The following LYPD6B variants were observed in gnomAD, a reference collection of about 807,000 sequenced individuals.
LYPD6B encodes LY6/PLAUR domain containing 6B.
LYPD6B carries 17 observed loss-of-function variants against 22.8 expected under a neutral mutation model. The ratio of observed to expected loss-of-function variants is 0.75; its 90% CI spans 0.51 to 1.12. The LOEUF is 1.12. Ranked by LOEUF, LYPD6B falls within the 50% of genes most tolerant of loss-of-function variation. The pLI, the probability that LYPD6B is intolerant of heterozygous loss-of-function variation, is 0.00. For synonymous variants in LYPD6B, 106 were observed against 91.6 expected (o/e 1.16, Z -0.90); for missense variants, 221 against 258.3 (o/e 0.86, Z 0.99).
At chr2:149,064,808 C>T (rs1684249132) in intron 1 of LYPD6B, among the ~76,000 whole-genome samples, 2 of 152,164 alleles carry the variant, frequency 1.3e-5, no homozygotes, top group Non-Finnish European at 2.9e-5. Context: ...TAAGTTAGTT[C>T]CTCTCAGGGG....
chr2:149,103,581 A>G (rs1404681397), intron 1 of LYPD6B, among the ~76,000 whole-genome samples: 3 of 151,986 alleles, frequency 2.0e-5, no homozygotes, highest in South Asian at 2.1e-4. Flanking sequence ...TTATCACCTC[A>G]ATCAAGATAA....
chr2:149,187,182 A>C (rs1575145515), intron 3 of LYPD6B, among the ~76,000 whole-genome samples: 1 of 152,208 alleles, frequency 6.6e-6, no homozygotes, highest in South Asian at 2.1e-4. Flanking sequence ...TCAAACCCAC[A>C]ATATCTCTGA....
rs1428973788 is a variant in LYPD6B, at chr2:149,071,530, G to T, written c.-67+32729G>T. On this transcript the variant is annotated intron_variant, in intron 1 of 6. Transcript: ENST00000409642. ...AGGATAAGATCTTTGCCTTCAGTTT[G>T]CTTATACTCTAGCTATAGAAATAGG... Among the ~76,000 whole-genome samples the T allele has an allele frequency of 3.3e-5, 5 of 152,118 alleles. 1 individual carries two copies. Among genetic ancestry groups the T allele is most frequent in the Non-Finnish European group, 7.4e-5 (5 of 68,018 alleles).
chr2:149,177,934 CT>C (rs766544702), intron 3 of LYPD6B, among the ~76,000 whole-genome samples: 130 of 150,198 alleles, frequency 8.7e-4, no homozygotes, highest in Middle Eastern at 6.9e-3. Context: ...GTAAAACACA[CT>C]TTGTACTTAA....
intron 3 of LYPD6B, among the ~76,000 whole-genome samples, chr2:149,179,185 G>C (rs112516636): frequency 1.3e-5 from 2 of 152,172 alleles, no homozygotes; most frequent in African/African-American, 4.8e-5. Context: ...TGTGTATTGA[G>C]TTATCAGGCT....
chr2:149,095,507 A>C (rs934980092), intron 1 of LYPD6B, among the ~76,000 whole-genome samples: 1 of 152,226 alleles, frequency 6.6e-6, no homozygotes, highest in Non-Finnish European at 1.5e-5. Flanking sequence ...ATTTGTATGC[A>C]CTTAGATCAA....
At chr2:149,104,782 C>T (rs1686390139) in intron 1 of LYPD6B, among the ~76,000 whole-genome samples, 2 of 152,012 alleles carry the variant, frequency 1.3e-5, no homozygotes, top group Admixed American at 1.3e-4. Flanking sequence ...AAATCTTTGC[C>T]TAACCCAAAG....
At chr2:149,062,522 G>A (rs1684135684) in intron 1 of LYPD6B, among the ~76,000 whole-genome samples, 1 of 152,024 alleles carries the variant, frequency 6.6e-6, no homozygotes, top group South Asian at 2.1e-4. Flanking sequence ...TTCCCTACAT[G>A]GAAAAGCAAC....
chr2:149,041,420 C>T (rs11683483), intron 1 of LYPD6B, among the ~76,000 whole-genome samples: 138,027 of 152,156 alleles, frequency 0.91, 64,146 homozygotes, highest in East Asian at 1. Context: ...CGAAGTTCCC[C>T]GCGTCACTGG....
chr2:149,120,309 ATGTGTATATATATG>A (rs1687228892), intron 1 of LYPD6B, among the ~76,000 whole-genome samples: 1 of 132,152 alleles, frequency 7.6e-6, no homozygotes, highest in Non-Finnish European at 1.6e-5. Flanking sequence ...ATATATATAT[ATGTGTATATATATG>A]TGTATATATA....
At chr2:149,206,241 T>C in intron 4 of LYPD6B, 1 of 237,626 alleles carries the variant, frequency 4.2e-6, no homozygotes, top group South Asian at 5.7e-5. Flanking sequence ...GCTTTTCTTT[T>C]TTAAGAAGCT....
chr2:149,122,401 A>ATTT (rs1559012030), intron 1 of LYPD6B, among the ~76,000 whole-genome samples: 6 of 151,018 alleles, frequency 4.0e-5, no homozygotes, highest in African/African-American at 1.2e-4. Context: ...CTTTTTTTTA[A>ATTT]AAATTATTAT....
At chr2:149,042,532 C>T (rs1049989304) in intron 1 of LYPD6B, among the ~76,000 whole-genome samples, 1 of 152,186 alleles carries the variant, frequency 6.6e-6, no homozygotes, top group African/African-American at 2.4e-5. Flanking sequence ...TGGCCAGGAT[C>T]ACTGGAAGAA....
chr2:149,206,080 T>G (rs1174601921), intron 4 of LYPD6B: 1 of 456,870 alleles, frequency 2.2e-6, no homozygotes, highest in Non-Finnish European at 4.5e-6. Context: ...AAAAATTATT[T>G]GGTATACATG....
At chr2:149,212,380 C>CAAAATAAAA (rs1693918157) in intron 5 of LYPD6B, among the ~76,000 whole-genome samples, 1 of 60,104 alleles carries the variant, frequency 1.7e-5, no homozygotes, top group Non-Finnish European at 2.8e-5. Context: ...GACTCCGTCT[C>CAAAATAAAA]AAAAAAAAAA....
At position 149,205,264 on chromosome 2, in the gene LYPD6B, C is replaced by T. The variant is rs768439660; in HGVS notation, c.89C>T (p.Ser30Leu). 6.8e-6 allele frequency: 11 copies of T among 1,611,412 alleles called. No individual in the cohort carries two copies. The highest frequency in any genetic ancestry group is 4.0e-5 in the African/African-American group (3 of 74,740). ...TCTTTTCACCATAGATATAAGAGTTCGGACCGCCCAGCACACAAGGTCAGC... is the reference window on the plus strand; with the variant it reads ...TCTTTTCACCATAGATATAAGAGTTTGGACCGCCCAGCACACAAGGTCAGC... ...TTFSFSRYKS[S>L]DRPAHKVSML... is the part of the protein sequence containing the mutation. Residue 30 changes from serine (S) to leucine (L), a missense_variant, in exon 4 of 7, where the codon TCG becomes TTG. Coordinates refer to ENST00000409642, the MANE Select transcript of LYPD6B (RefSeq NM_177964.5).
At chr2:149,074,507 G>A (rs940584956) in intron 1 of LYPD6B, among the ~76,000 whole-genome samples, 4 of 152,198 alleles carry the variant, frequency 2.6e-5, no homozygotes, top group South Asian at 2.1e-4. Flanking sequence ...CCAGCAACAC[G>A]AACCTGACTT....
At chr2:149,046,959 T>C (rs939473455) in intron 1 of LYPD6B, among the ~76,000 whole-genome samples, 2 of 152,218 alleles carry the variant, frequency 1.3e-5, no homozygotes, top group Non-Finnish European at 2.9e-5. Context: ...CTTTTATTCT[T>C]AAACAATTCT....
chr2:149,104,995 C>A (rs1300395245), intron 1 of LYPD6B, among the ~76,000 whole-genome samples: 1 of 152,106 alleles, frequency 6.6e-6, no homozygotes, highest in East Asian at 1.9e-4. Context: ...GTGTAAAGAT[C>A]AAATTGGGAT....
Sources: gnomAD v4.1 joint callset for allele counts (sites outside exome capture counted in the v4.1 genomes callset) on GRCh38, gnomAD v4.1.1 for gene constraint, MANE v1.5 for transcripts, NCBI Gene and HGNC (gene_info 2026-07-23, HGNC 2026-07-21) for gene names.